The following GARRE1 variants were observed in gnomAD, a reference collection of about 807,000 sequenced individuals.
The protein encoded by GARRE1 is granule associated Rac and RHOG effector protein 1.
GARRE1 carries 49 observed loss-of-function variants against 103.2 expected under a neutral mutation model. That is an observed-to-expected ratio of 0.47 (90% CI 0.38 to 0.60). GARRE1 has a LOEUF of 0.60. GARRE1 is among the 20% of genes least tolerant of loss of function. GARRE1 has a pLI of 0.00. For missense variants in GARRE1, 1,199 were observed against 1,370.5 expected (o/e 0.87, Z 1.98); for synonymous variants, 505 against 532.8 (o/e 0.95, Z 0.72).
At chr19:34,282,335 A>G (rs1388635881) in intron 1 of GARRE1, among the ~76,000 whole-genome samples, 2 of 152,098 alleles carry the variant, frequency 1.3e-5, no homozygotes, top group African/African-American at 2.4e-5. Context: ...TATTTTTAGT[A>G]GAGACGGGGT....
rs143293689 is a variant in GARRE1 at position 34,274,369 on chromosome 19, C to T, written c.-796+19755C>T. On this transcript the variant is annotated intron_variant, in intron 1 of 13. Coordinates refer to ENST00000299505, the MANE Select transcript of GARRE1 (RefSeq NM_014686.5). Reference sequence around the variant, plus strand: ...GCAGTGAGCTTAGATCGCACCATTGCACTCCAGTCTGGGCAACTAGAGCGA... The same window carrying T: ...GCAGTGAGCTTAGATCGCACCATTGTACTCCAGTCTGGGCAACTAGAGCGA... Among the ~76,000 whole-genome samples the T allele has an allele frequency of 8.8e-4, 134 of 152,092 alleles. 1 individual carries two copies. The highest frequency in any genetic ancestry group is 3.4e-3 in the Middle Eastern group (1 of 294).
intron 10 of GARRE1, among the ~76,000 whole-genome samples, chr19:34,344,448 G>A (rs2074200981): frequency 6.6e-6 from 1 of 151,546 alleles, no homozygotes; most frequent in Admixed American, 6.6e-5. Flanking sequence ...AAAATTAGCC[G>A]GGCGTAGTGG....
At position 34,300,491 on chromosome 19, in the gene GARRE1, C is replaced by T. The variant is rs989218758; in HGVS notation, c.18C>T (p.Ala6=). The T allele has an allele frequency of 5.0e-6, 8 of 1,602,134 alleles. No individual in the cohort carries two copies. The highest frequency in any genetic ancestry group is 6.0e-6 in the Non-Finnish European group (7 of 1,172,716). ...CCTCCCGCATGTATTGCTGCAGTGCCCAGGACAGTAAAATGGACTACAAGC... is the reference window on the plus strand; with the variant it reads ...CCTCCCGCATGTATTGCTGCAGTGCTCAGGACAGTAAAATGGACTACAAGC... MYCCS[A]QDSKMDYKRR... Residue 6 remains alanine, a synonymous_variant, in exon 2 of 14, where the codon GCC becomes GCT. Transcript: ENST00000299505.
intron 1 of GARRE1, among the ~76,000 whole-genome samples, chr19:34,297,345 T>C (rs1254826515): frequency 6.6e-6 from 1 of 152,118 alleles, no homozygotes; most frequent in African/African-American, 2.4e-5. Flanking sequence ...TTTGGTGAAA[T>C]AGTATAACTT....
intron 2 of GARRE1, among the ~76,000 whole-genome samples, chr19:34,319,032 A>G (rs750653513): frequency 6.6e-6 from 1 of 152,008 alleles, no homozygotes; most frequent in Non-Finnish European, 1.5e-5. Context: ...AAAGATAAAT[A>G]AGAAATGATA....
chr19:34,352,764 T>C lies in GARRE1; in HGVS notation c.3022T>C (p.Trp1008Arg), dbSNP rs2074245699. Reference sequence around the variant, plus strand: ...TGCAGTCACCAGCCCTGGCAGCCAGTGGAACGACACCATGCAGATGCTGCA... The same window carrying C: ...TGCAGTCACCAGCCCTGGCAGCCAGCGGAACGACACCATGCAGATGCTGCA... The part of the protein sequence containing the change: ...LYAVTSPGSQ[W>R]NDTMQMLQSP... Residue 1008 changes from tryptophan to arginine, a missense_variant, in exon 14 of 14, where the codon TGG becomes CGG. By Grantham distance (101) the Trp-to-Arg change is moderately radical. Transcript: ENST00000299505. 2.5e-6 allele frequency: 4 copies of C among 1,613,926 alleles called. No individual in the cohort carries two copies. Among genetic ancestry groups the C allele is most frequent in the African/African-American group, 2.7e-5 (2 of 74,874 alleles).
At chr19:34,268,997 C>T (rs1273322325) in intron 1 of GARRE1, among the ~76,000 whole-genome samples, 1 of 152,176 alleles carries the variant, frequency 6.6e-6, no homozygotes, top group Non-Finnish European at 1.5e-5. Flanking sequence ...TATATTACTA[C>T]TTAGCACATT....
intron 7 of GARRE1, 75 bp downstream of exon 7, chr19:34,330,422 C>A: frequency 7.0e-7 from 1 of 1,432,278 alleles, no homozygotes; most frequent in Non-Finnish European, 9.7e-7. Flanking sequence ...GGTGCAGACA[C>A]ATGTGTGAAA....
rs73580719 is a variant in GARRE1 at position 34,288,235 on chromosome 19, T to A, written c.-795-11444T>A. 6.6e-3 allele frequency among the ~76,000 whole-genome samples: 1,009 copies of A among 152,298 alleles called. 14 individuals carry two copies. Among genetic ancestry groups the A allele is most frequent in the African/African-American group, 0.023 (966 of 41,566 alleles). On this transcript the variant is annotated intron_variant, in intron 1 of 13. Transcript: ENST00000299505. Reference sequence around the variant, plus strand: ...GAAGCGTGGGGAGTGTAGAAAGCAGTTAGTTCTTCACCTGAGGCTGCAGTT... The same window carrying A: ...GAAGCGTGGGGAGTGTAGAAAGCAGATAGTTCTTCACCTGAGGCTGCAGTT...
At position 34,351,594 on chromosome 19, in the gene GARRE1, T is replaced by C. The variant is rs2074237610; in HGVS notation, c.2904+2T>C. The C allele has an allele frequency of 6.2e-7, 1 of 1,611,186 alleles. No individual in the cohort carries two copies. Among genetic ancestry groups the C allele is most frequent in the Non-Finnish European group, 8.5e-7 (1 of 1,177,514 alleles). On this transcript the variant is annotated splice_donor_variant, in intron 13 of 13. Coordinates refer to ENST00000299505, the MANE Select transcript of GARRE1 (RefSeq NM_014686.5). LOFTEE classifies it high-confidence loss of function. ...ACCACGGTGGAGGATGTGAACCAGG[T>C]ATTCAGGCAGGCTCTGTGGGCACAG... is the stretch of plus-strand genomic sequence containing the variant.
intron 2 of GARRE1, among the ~76,000 whole-genome samples, chr19:34,301,714 G>C (rs2073980083): frequency 6.9e-6 from 1 of 144,418 alleles, no homozygotes; most frequent in African/African-American, 2.6e-5. Context: ...ACGGAGTCCT[G>C]CTCCGTCGCC....
intron 1 of GARRE1, among the ~76,000 whole-genome samples, chr19:34,261,977 G>A (rs1363606262): frequency 6.6e-6 from 1 of 151,972 alleles, no homozygotes; most frequent in Non-Finnish European, 1.5e-5. Flanking sequence ...CATGTCACCT[G>A]GTAGGTCTCC....
At chr19:34,308,885 A>ATG (rs2074023864) in intron 2 of GARRE1, among the ~76,000 whole-genome samples, 1 of 152,198 alleles carries the variant, frequency 6.6e-6, no homozygotes, top group African/African-American at 2.4e-5. Context: ...AGTGGCCAAC[A>ATG]GTGGAGGATG....
At chr19:34,315,710 C>CAA (rs35321775) in intron 2 of GARRE1, among the ~76,000 whole-genome samples, 34,797 of 62,108 alleles carry the variant, frequency 0.56, 10,434 homozygotes, top group Middle Eastern at 0.65. Flanking sequence ...GACTCTGTCT[C>CAA]AAAAAAAAAA....
At chr19:34,343,083 G>T (rs1253022890) in intron 10 of GARRE1, among the ~76,000 whole-genome samples, 1 of 152,138 alleles carries the variant, frequency 6.6e-6, no homozygotes, top group Non-Finnish European at 1.5e-5. Context: ...ATCTTTGGAA[G>T]ACCAATAAAA....
At chr19:34,262,886 C>T (rs1208810510) in intron 1 of GARRE1, among the ~76,000 whole-genome samples, 1 of 152,018 alleles carries the variant, frequency 6.6e-6, no homozygotes, top group Non-Finnish European at 1.5e-5. Flanking sequence ...AAAATTTCTC[C>T]ACTTTTGAAG....
chr19:34,272,082 T>C (rs143405951), intron 1 of GARRE1, among the ~76,000 whole-genome samples: 30 of 152,226 alleles, frequency 2.0e-4, no homozygotes, highest in African/African-American at 6.7e-4. Context: ...ATTGACAGGA[T>C]TGAAAGGACA....
At chr19:34,344,862 A>T (rs2074203725) in intron 10 of GARRE1, among the ~76,000 whole-genome samples, 1 of 145,810 alleles carries the variant, frequency 6.9e-6, no homozygotes, top group Admixed American at 6.8e-5. Flanking sequence ...TTTTATACGG[A>T]GTCTCGCTCT....
chr19:34,333,157 C>T lies in GARRE1; in HGVS notation c.1264-547C>T, dbSNP rs539430517. Reference sequence around the variant, plus strand: ...TGCCTCCTGGGTTCAAGCTATTCTCCTGCCTCAGCCTCCTGAGTAGCTTGG... The same window carrying T: ...TGCCTCCTGGGTTCAAGCTATTCTCTTGCCTCAGCCTCCTGAGTAGCTTGG... On this transcript the variant is annotated intron_variant, in intron 7 of 13. Coordinates refer to ENST00000299505, the MANE Select transcript of GARRE1 (RefSeq NM_014686.5). Among the ~76,000 whole-genome samples, 17 of 152,278 alleles carry T rather than the reference C, an allele frequency of 1.1e-4. No homozygotes were observed. The South Asian group carries it at 2.9e-3, about 26-fold the overall frequency.
Sources: allele counts gnomAD v4.1 joint callset (sites outside exome capture counted in the v4.1 genomes callset), GRCh38; gene constraint gnomAD v4.1.1; transcripts MANE v1.5; gene names NCBI Gene and HGNC (gene_info 2026-07-23, HGNC 2026-07-21).